The following LARGE1 variants were observed in gnomAD, a reference collection of about 807,000 sequenced individuals.
The protein encoded by LARGE1 is xylosyl- and glucuronyltransferase LARGE1.
LARGE1 carries 43 observed loss-of-function variants against 87.6 expected under a neutral mutation model. The observed-to-expected ratio is 0.49, with a 90% CI of 0.38 to 0.63. The LOEUF is 0.63. Among genes scored for constraint, LARGE1 ranks in the 30% least tolerant of loss-of-function variants. LARGE1 has a pLI of 0.00. For missense variants in LARGE1, 802 were observed against 1,000.2 expected (o/e 0.80, Z 2.67); for synonymous variants, 434 against 394.6 (o/e 1.10, Z -1.18).
chr22:33,475,424 A>ATATTTATTTATT lies in LARGE1; in HGVS notation c.788-43171_788-43160dup, dbSNP rs71320980. On this transcript the variant is annotated intron_variant, in intron 6 of 14. Coordinates refer to ENST00000397394, the MANE Select transcript of LARGE1 (RefSeq NM_133642.5). ...ACTTGATAATCAGCATCAGTGAGTC[A>ATATTTATTTATT]TATTTATTTATTTATTTATTTATTT... Among the ~76,000 whole-genome samples the ATATTTATTTATT allele has an allele frequency of 1.9e-3, 259 of 135,296 alleles. 1 individual carries two copies. The highest frequency in any genetic ancestry group is 2.3e-3 in the Non-Finnish European group (148 of 63,594). The allele number at this position is 135,296 out of a possible 152,430, so 88.8% of individuals were successfully genotyped here.
intron 6 of LARGE1, among the ~76,000 whole-genome samples, chr22:33,499,722 C>T (rs990522393): frequency 5.9e-5 from 9 of 152,134 alleles, no homozygotes; most frequent in Non-Finnish European, 8.8e-5. Flanking sequence ...CCTACAGCAT[C>T]TTACGCAATT....
rs1295604456 is a variant in LARGE1 at position 33,786,154 on chromosome 22, T to C, written c.-82-24596A>G. On this transcript the variant is annotated intron_variant, in intron 1 of 14. Coordinates refer to ENST00000397394, the MANE Select transcript of LARGE1 (RefSeq NM_133642.5). ...TTTTGGGCATAAGTAGGGCACAGTA[T>C]TCAGGTGCTGGGAAGACAGGGAAGG... Among the ~76,000 whole-genome samples, 3 of 152,198 alleles carry C rather than the reference T, an allele frequency of 2.0e-5. No homozygotes were observed. The East Asian group carries it at 5.8e-4, about 29-fold the overall frequency.
intron 6 of LARGE1, among the ~76,000 whole-genome samples, chr22:33,511,926 G>GAGT: frequency 6.6e-6 from 1 of 152,136 alleles, no homozygotes; most frequent in Admixed American, 6.6e-5. Context: ...ATATCTTCTT[G>GAGT]TCTCATCTCT....
intron 11 of LARGE1, among the ~76,000 whole-genome samples, chr22:33,188,438 C>G (rs1291504519): frequency 1.3e-5 from 2 of 152,150 alleles, no homozygotes; most frequent in Non-Finnish European, 2.9e-5. Context: ...TGAGCTCACA[C>G]CGGGCCTGCT....
intron 4 of LARGE1, among the ~76,000 whole-genome samples, chr22:33,619,753 T>C (rs1370700295): frequency 6.6e-6 from 1 of 152,060 alleles, no homozygotes. Context: ...GACATCATAA[T>C]AGTGCTCACC....
intron 2 of LARGE1, among the ~76,000 whole-genome samples, chr22:33,731,841 A>G (rs1223512613): frequency 3.3e-5 from 5 of 152,232 alleles, no homozygotes; most frequent in Non-Finnish European, 5.9e-5. Flanking sequence ...AAATATGTAC[A>G]GCTTTTTGTA....
chr22:33,413,106 A>G (rs1402718706), intron 7 of LARGE1, among the ~76,000 whole-genome samples: 1 of 152,248 alleles, frequency 6.6e-6, no homozygotes, highest in Admixed American at 6.5e-5. Context: ...ACAAATGTGA[A>G]TATGAGTTGT....
intron 6 of LARGE1, among the ~76,000 whole-genome samples, chr22:33,526,673 A>G (rs2071911604): frequency 6.6e-6 from 1 of 152,264 alleles, no homozygotes; most frequent in Non-Finnish European, 1.5e-5. Context: ...AAGTCCATCA[A>G]CTGCAAAGGC....
intron 1 of LARGE1, among the ~76,000 whole-genome samples, 187 bp from the exon 2 acceptor site, chr22:33,761,745 T>C (rs189261119): frequency 6.7e-6 from 1 of 150,288 alleles, no homozygotes; most frequent in East Asian, 1.9e-4. Context: ...AATAAATAAG[T>C]AAATAACAAA....
chr22:33,503,133 G>C (rs1357631693), intron 6 of LARGE1, among the ~76,000 whole-genome samples: 5 of 152,136 alleles, frequency 3.3e-5, no homozygotes. Context: ...AGGGATGTGG[G>C]AAAGGTTATC....
At chr22:33,091,954 C>T in the LARGE1 span, among the ~76,000 whole-genome samples, 1 of 152,152 alleles carries the variant, frequency 6.6e-6, no homozygotes, top group Admixed American at 6.5e-5. Context: ...GGCTGGAGTG[C>T]AGTGGCGCAG....
chr22:33,282,055 T>C (rs1930543005), intron 13 of LARGE1, among the ~76,000 whole-genome samples: 1 of 152,198 alleles, frequency 6.6e-6, no homozygotes, highest in African/African-American at 2.4e-5. Flanking sequence ...ACTTTAACAC[T>C]GGAGCAGGGC....
intron 2 of LARGE1, among the ~76,000 whole-genome samples, chr22:33,712,061 A>C (rs1296966693): frequency 6.6e-6 from 1 of 152,148 alleles, no homozygotes; most frequent in African/African-American, 2.4e-5. Flanking sequence ...CCATTTTATA[A>C]AGGCAGAAGT....
At chr22:33,244,382 T>C (rs1020871824) in intron 11 of LARGE1, among the ~76,000 whole-genome samples, 6 of 152,168 alleles carry the variant, frequency 3.9e-5, no homozygotes, top group Non-Finnish European at 7.3e-5. Flanking sequence ...ACCATCCCCA[T>C]TGTGCAGATG....
intron 11 of LARGE1, among the ~76,000 whole-genome samples, chr22:33,237,714 T>C (rs1304732788): frequency 1.3e-5 from 2 of 152,170 alleles, no homozygotes; most frequent in Non-Finnish European, 1.5e-5. Flanking sequence ...CAGAAAGCAA[T>C]TCCACTCTTC....
At chr22:33,778,807 T>C (rs619426) in intron 1 of LARGE1, among the ~76,000 whole-genome samples, 84,027 of 151,914 alleles carry the variant, frequency 0.55, 23,248 homozygotes, top group East Asian at 0.66. Context: ...CCTGCCACCA[T>C]ACCCAGCTGA....
At chr22:33,394,956 GT>G (rs992510274) in intron 7 of LARGE1, among the ~76,000 whole-genome samples, 6 of 152,190 alleles carry the variant, frequency 3.9e-5, no homozygotes, top group South Asian at 2.1e-4. Context: ...GCTGGGCATG[GT>G]GGCTCACACC....
intron 6 of LARGE1, among the ~76,000 whole-genome samples, chr22:33,540,386 C>A (rs2077159528): frequency 6.6e-6 from 1 of 152,172 alleles, no homozygotes; most frequent in African/African-American, 2.4e-5. Context: ...CTATGACCAG[C>A]CCAGCCCTGA....
At chr22:33,698,464 C>T (rs991860929) in intron 2 of LARGE1, among the ~76,000 whole-genome samples, 2 of 151,214 alleles carry the variant, frequency 1.3e-5, no homozygotes, top group African/African-American at 4.9e-5. Flanking sequence ...CCACGCTCGG[C>T]TAATTTTTGT....
Sources: allele counts gnomAD v4.1 joint callset (sites outside exome capture counted in the v4.1 genomes callset), GRCh38; gene constraint gnomAD v4.1.1; transcripts MANE v1.5; gene names NCBI Gene and HGNC (gene_info 2026-07-23, HGNC 2026-07-21).